Variants in MARK3 observed in about 807,000 individuals in gnomAD.
MARK3 encodes the protein MAP/microtubule affinity-regulating kinase 3.
A neutral mutation model predicts 90.1 loss-of-function variants in MARK3; 46 were observed. The ratio of observed to expected loss-of-function variants is 0.51; its 90% confidence interval spans 0.40 to 0.65. MARK3 has a LOEUF of 0.65. Among genes scored for constraint, MARK3 ranks in the 30% least tolerant of loss-of-function variants. The pLI is 0.00. For synonymous variants in MARK3, 321 were observed against 332.6 expected (o/e 0.97, Z 0.38); for missense variants, 818 against 947.2 (o/e 0.86, Z 1.79).
chr14:103,495,416 G>A (rs2075284805), intron 15 of MARK3, among the ~76,000 whole-genome samples: 1 of 150,766 alleles, frequency 6.6e-6, no homozygotes, highest in Non-Finnish European at 1.5e-5. Context: ...GGAGGCGTAG[G>A]TTGCAGAGAG....
chr14:103,493,861 T>G (rs1248743954), intron 15 of MARK3, among the ~76,000 whole-genome samples: 4 of 133,502 alleles, frequency 3.0e-5, no homozygotes, highest in Non-Finnish European at 4.7e-5. Context: ...GGTGACAAAG[T>G]GAGACTGTGT....
intron 1 of MARK3, among the ~76,000 whole-genome samples, chr14:103,389,089 G>A (rs745948646): frequency 2.0e-5 from 3 of 152,172 alleles, no homozygotes; most frequent in Non-Finnish European, 4.4e-5. Flanking sequence ...GGCAGGCCGG[G>A]TGTGGTGGCT....
chr14:103,453,131 T>C (rs2093193915), intron 5 of MARK3, among the ~76,000 whole-genome samples: 1 of 152,338 alleles, frequency 6.6e-6, no homozygotes, highest in East Asian at 1.9e-4. Context: ...TTTGTAAAAA[T>C]GTAGACATTT....
At chr14:103,389,390 CG>C in intron 1 of MARK3, among the ~76,000 whole-genome samples, 1 of 149,666 alleles carries the variant, frequency 6.7e-6, no homozygotes, top group African/African-American at 2.5e-5. Context: ...TAGCCAGGTG[CG>C]GTGGTGCATG....
chr14:103,479,089 C>T (rs923418092), intron 13 of MARK3, among the ~76,000 whole-genome samples: 13 of 152,090 alleles, frequency 8.5e-5, no homozygotes, highest in East Asian at 3.9e-4. Context: ...GGTGCAAACA[C>T]GGCTCATTGC....
intron 4 of MARK3, 54 bp downstream of exon 4, chr14:103,449,021 G>A (rs1362635626): frequency 9.4e-6 from 14 of 1,487,226 alleles, no homozygotes; most frequent in Non-Finnish European, 1.3e-5. Context: ...TTGAAATTAT[G>A]TCATAAAGCT....
At chr14:103,469,305 C>G (rs1380973668) in intron 12 of MARK3, 2 of 151,688 alleles carry the variant, frequency 1.3e-5, no homozygotes, top group Non-Finnish European at 2.9e-5. Flanking sequence ...CCTCAGCCTC[C>G]TGAGTAGCTG....
chr14:103,456,194 ACT>A (rs2093274736), intron 5 of MARK3, among the ~76,000 whole-genome samples: 1 of 151,282 alleles, frequency 6.6e-6, no homozygotes, highest in Non-Finnish European at 1.5e-5. Context: ...TGTGCTTCCC[ACT>A]CTAGTCCCCG....
chr14:103,403,196 T>A (rs529149240), intron 1 of MARK3, among the ~76,000 whole-genome samples: 58 of 152,202 alleles, frequency 3.8e-4, no homozygotes, highest in African/African-American at 1.4e-3. Context: ...TTAACAAAAA[T>A]TTTGGCCAGT....
At chr14:103,435,654 C>T (rs1255869998) in intron 3 of MARK3, among the ~76,000 whole-genome samples, 4 of 151,860 alleles carry the variant, frequency 2.6e-5, no homozygotes, top group African/African-American at 9.7e-5. Context: ...ATGATCTGCC[C>T]GCCTTGGCCT....
At chr14:103,456,622 T>C (rs1364359011) in intron 5 of MARK3, among the ~76,000 whole-genome samples, 1 of 152,206 alleles carries the variant, frequency 6.6e-6, no homozygotes, top group Non-Finnish European at 1.5e-5. Flanking sequence ...TGTTTATTCA[T>C]TTATTGCCCC....
At chr14:103,390,249 A>G (rs1421782301) in intron 1 of MARK3, among the ~76,000 whole-genome samples, 1 of 152,032 alleles carries the variant, frequency 6.6e-6, no homozygotes, top group African/African-American at 2.4e-5. Flanking sequence ...CTCCATCTCA[A>G]AAAAAAAGTT....
At chr14:103,414,202 CTTTCT>C (rs2091828813) in intron 2 of MARK3, among the ~76,000 whole-genome samples, 1 of 130,326 alleles carries the variant, frequency 7.7e-6, no homozygotes. Flanking sequence ...CTTTTCTTTT[CTTTCT>C]TTTTTTTTTT....
intron 1 of MARK3, among the ~76,000 whole-genome samples, chr14:103,398,572 A>C (rs558552307): frequency 6.6e-6 from 1 of 152,108 alleles, no homozygotes; most frequent in East Asian, 1.9e-4. Flanking sequence ...GGGTCTTGCT[A>C]TGTTTGCCCA....
At chr14:103,467,045 A>C in intron 10 of MARK3, 34 bp from the exon 11 acceptor site, 1 of 1,032,980 alleles carries the variant, frequency 9.7e-7, no homozygotes, top group Non-Finnish European at 1.4e-6. Flanking sequence ...TTACCCAAAC[A>C]AAACACATAA....
chr14:103,405,232 G>A lies in MARK3; in HGVS notation c.208G>A (p.Val70Ile). Residue 70 changes from valine to isoleucine, a missense_variant, in exon 2 of 18, where the codon GTA (valine) becomes ATA (isoleucine). Physicochemically the swap from Val to Ile is conservative, Grantham distance 29. Transcript: ENST00000429436. ...KTIGKGNFAK[V>I]KLARHILTGR... ...AATCGGCAAGGGGAATTTTGCAAAA[G>A]TAAAATTGGCAAGACATATCCTTAC... 6.4e-7 allele frequency: 1 copy of A among 1,568,404 alleles called. No individual in the cohort carries two copies. Among genetic ancestry groups the A allele is most frequent in the Non-Finnish European group, 8.6e-7 (1 of 1,159,706 alleles).
chr14:103,455,442 G>A (rs550046162), intron 5 of MARK3, among the ~76,000 whole-genome samples: 2 of 152,134 alleles, frequency 1.3e-5, no homozygotes, highest in East Asian at 3.9e-4. Flanking sequence ...AGATCATTAT[G>A]CAGGCTGGGC....
intron 1 of MARK3, among the ~76,000 whole-genome samples, chr14:103,395,330 GT>G (rs200551813): frequency 2.0e-3 from 296 of 144,492 alleles, no homozygotes; most frequent in African/African-American, 4.1e-3. Flanking sequence ...GTGCCTCATG[GT>G]TTTTTTTTTT....
At chr14:103,499,829 G>A (rs928003071) in intron 16 of MARK3, 3 of 290,790 alleles carry the variant, frequency 1.0e-5, no homozygotes, top group African/African-American at 6.7e-5. Flanking sequence ...TCAGGCTGAA[G>A]AGCCAGCAGG....
Sources: gnomAD v4.1 joint callset for allele counts (sites outside exome capture counted in the v4.1 genomes callset) on GRCh38, gnomAD v4.1.1 for gene constraint, MANE v1.5 for transcripts, NCBI Gene and HGNC (gene_info 2026-07-23, HGNC 2026-07-21) for gene names.